ADAMTSL1: variants seen among roughly 807,000 people sequenced by gnomAD.
ADAMTSL1 encodes the protein ADAMTS like 1, also known as ADAMTS-like protein 1.
ADAMTSL1 carries 126 observed loss-of-function variants against 201.8 expected under a neutral mutation model. The observed-to-expected ratio is 0.62, with a 90% CI of 0.54 to 0.72. The LOEUF (loss-of-function observed/expected upper bound fraction) is 0.72. Among genes scored for constraint, ADAMTSL1 ranks in the 30% least tolerant of loss-of-function variants. ADAMTSL1 has a pLI of 0.00. For missense variants in ADAMTSL1, 2,679 were observed against 2,277.8 expected (o/e 1.18, Z -3.59); for synonymous variants, 1,121 against 903.4 (o/e 1.24, Z -4.32).
In ADAMTSL1 at chr9:17,935,896, C is replaced by T. The variant is rs62550002; in HGVS notation, c.87+28974C>T. On this transcript the variant is annotated intron_variant, in intron 1 of 29. Transcript: ENST00000680146. ...CTCAGGTTATGCTACTCCTGCTTAA[C>T]GCCCTCCAGTGCTTCCCATCTTCCA... Among the ~76,000 whole-genome samples, 840 of 152,292 alleles carry T rather than the reference C, an allele frequency of 5.5e-3. 3 individuals are homozygous for T. The highest frequency in any genetic ancestry group is 8.5e-3 in the Non-Finnish European group (578 of 68,012).
intron 1 of ADAMTSL1, among the ~76,000 whole-genome samples, chr9:17,989,827 G>A (rs1436137194): frequency 1.3e-5 from 2 of 149,364 alleles, no homozygotes; most frequent in African/African-American, 4.9e-5. Flanking sequence ...AATAGCATCT[G>A]ATTTTTTTTT....
At chr9:18,674,944 G>C (rs763073647) in intron 9 of ADAMTSL1, among the ~76,000 whole-genome samples, 66 of 152,170 alleles carry the variant, frequency 4.3e-4, no homozygotes, top group Middle Eastern at 6.8e-3. Context: ...CCTCTGCAGG[G>C]ACCCACCAGT....
At position 17,919,544 on chromosome 9, in the gene ADAMTSL1, G is replaced by C. The variant is rs528368434; in HGVS notation, c.87+12622G>C. 1.7e-4 allele frequency among the ~76,000 whole-genome samples: 26 copies of C among 152,092 alleles called. No homozygotes were observed. In the South Asian group the frequency reaches 3.7e-3, roughly 22 times the overall value. The stretch of plus-strand genomic sequence containing the variant: ...CTTCTTAATACATTTCCATGTTCTA[G>C]ATTTTCGTATCAATGGAATTATATA... On this transcript the variant is annotated intron_variant, in intron 1 of 29. Coordinates refer to the ADAMTSL1 transcript ENST00000680146.
chr9:18,095,238 A>C (rs141099069), intron 1 of ADAMTSL1, among the ~76,000 whole-genome samples: 1 of 152,068 alleles, frequency 6.6e-6, no homozygotes, highest in Admixed American at 6.6e-5. Context: ...AAGGGCTCAC[A>C]GCCAATAGAT....
chr9:18,735,748 C>CTTTTTTTTTTTTTTTTTT (rs71333066), intron 15 of ADAMTSL1, among the ~76,000 whole-genome samples: 1 of 106,684 alleles, frequency 9.4e-6, no homozygotes, highest in Non-Finnish European at 1.9e-5. Flanking sequence ...ATTCTTTTTT[C>CTTTTTTTTTTTTTTTTTT]TTTTTTTTTT....
chr9:18,730,689 C>A (rs1257065626), intron 15 of ADAMTSL1, among the ~76,000 whole-genome samples: 1 of 152,234 alleles, frequency 6.6e-6, no homozygotes, highest in Non-Finnish European at 1.5e-5. Flanking sequence ...ATTAACACAG[C>A]TCCCAGACCT....
intron 1 of ADAMTSL1, among the ~76,000 whole-genome samples, chr9:18,126,943 C>G (rs917663721): frequency 6.6e-6 from 1 of 152,080 alleles, no homozygotes; most frequent in Non-Finnish European, 1.5e-5. Flanking sequence ...TAAGCATCAT[C>G]GTAACCAGTA....
chr9:18,417,123 C>A (rs779356418), intron 2 of ADAMTSL1, among the ~76,000 whole-genome samples: 1 of 151,688 alleles, frequency 6.6e-6, no homozygotes, highest in Non-Finnish European at 1.5e-5. Context: ...AAGATCTCTG[C>A]AAAATTTTCA....
At chr9:18,054,510 A>T (rs1425507277) in intron 1 of ADAMTSL1, among the ~76,000 whole-genome samples, 2 of 152,154 alleles carry the variant, frequency 1.3e-5, no homozygotes, top group Non-Finnish European at 1.5e-5. Context: ...TGTGTGTTGG[A>T]GTGGTACTAA....
chr9:18,803,846 T>C (rs1202348901), intron 20 of ADAMTSL1, among the ~76,000 whole-genome samples: 1 of 152,314 alleles, frequency 6.6e-6, no homozygotes, highest in East Asian at 1.9e-4. Flanking sequence ...ACTTTCCAGA[T>C]AGAGTCAGAG....
rs112740119 is a variant in ADAMTSL1 at position 18,060,380 on chromosome 9, A to G, written c.88-103482A>G. ...CTCAGATAAGCTGTAAAACAACCCT[A>G]TGGGCTAAGGTATCTGCAATATTTT... is the stretch of plus-strand genomic sequence containing the variant. On this transcript the variant is annotated intron_variant, in intron 1 of 29. Transcript: ENST00000680146. Among the ~76,000 whole-genome samples the G allele has an allele frequency of 4.2e-3, 639 of 152,248 alleles. 3 individuals carry two copies. Among genetic ancestry groups the G allele is most frequent in the East Asian group, 0.013 (65 of 5,178 alleles).
intron 19 of ADAMTSL1, among the ~76,000 whole-genome samples, chr9:18,790,075 C>T (rs1821934497): frequency 6.6e-6 from 1 of 152,056 alleles, no homozygotes; most frequent in African/African-American, 2.4e-5. Flanking sequence ...AAGAAGGTTA[C>T]TTAGGTTATG....
At chr9:17,920,902 T>A (rs1826274234) in intron 1 of ADAMTSL1, among the ~76,000 whole-genome samples, 1 of 152,232 alleles carries the variant, frequency 6.6e-6, no homozygotes, top group Non-Finnish European at 1.5e-5. Flanking sequence ...ATTTGGCCCA[T>A]GGGCCATCGT....
rs756367659 is a variant in ADAMTSL1 at position 18,889,687 on chromosome 9, G to A, written c.4582G>A (p.Ala1528Thr). 32 of 1,595,686 alleles carry A rather than the reference G, an allele frequency of 2.0e-5. No individual in the cohort carries two copies. The highest frequency in any genetic ancestry group is 1.4e-4 in the East Asian group (6 of 43,782). Residue 1528 changes from alanine to threonine, a missense_variant, in exon 25 of 29, where the codon GCA becomes ACA. By Grantham distance (58) the Ala-to-Thr change is moderately conservative. Coordinates refer to ENST00000380548, the MANE Select transcript of ADAMTSL1 (RefSeq NM_001040272.6). ...NSTEVNPAHC[A>T]GKVRPAVQPI... ...CACGGAGGTCAACCCTGCCCACTGC[G>A]CAGGGAAGGTTCGCCCTGCGGTGCA...
chr9:18,013,949 G>T (rs1164630605), intron 1 of ADAMTSL1, among the ~76,000 whole-genome samples: 1 of 152,012 alleles, frequency 6.6e-6, no homozygotes, highest in Non-Finnish European at 1.5e-5. Flanking sequence ...TATGGTAAAA[G>T]AGAACCTGGG....
At chr9:18,121,590 A>G (rs1825499510) in intron 1 of ADAMTSL1, among the ~76,000 whole-genome samples, 4 of 152,212 alleles carry the variant, frequency 2.6e-5, no homozygotes, top group Admixed American at 1.3e-4. Flanking sequence ...TTGAAATCCC[A>G]CTGAAAAATA....
intron 4 of ADAMTSL1, among the ~76,000 whole-genome samples, chr9:18,585,949 A>T (rs1323385590): frequency 6.6e-6 from 1 of 152,208 alleles, no homozygotes; most frequent in African/African-American, 2.4e-5. Context: ...CTAAAACAAT[A>T]AGAGTCATCT....
Position 18,185,543 on chromosome 9 carries a change from G to T in ADAMTSL1, c.207+21562G>T, listed in dbSNP as rs1828694894. On this transcript the variant is annotated intron_variant, in intron 2 of 29. Coordinates refer to the ADAMTSL1 transcript ENST00000680146. ...TAAGTTTGTGGTAATTTGTTATGCA[G>T]CATGGAAAACTAACACAATTGGTTT... 1.3e-5 allele frequency among the ~76,000 whole-genome samples: 2 copies of T among 152,114 alleles called. 1 individual carries two copies. The highest frequency in any genetic ancestry group is 4.1e-4 in the South Asian group (2 of 4,830).
chr9:18,788,936 A>G (rs1480411857), intron 19 of ADAMTSL1, among the ~76,000 whole-genome samples: 2 of 152,094 alleles, frequency 1.3e-5, no homozygotes, highest in Non-Finnish European at 2.9e-5. Context: ...TATGGAAATA[A>G]CTAGTTGTCC....
Sources: gnomAD v4.1 joint callset for allele counts (sites outside exome capture counted in the v4.1 genomes callset) on GRCh38, gnomAD v4.1.1 for gene constraint, MANE v1.5 for transcripts, NCBI Gene and HGNC (gene_info 2026-07-23, HGNC 2026-07-21) for gene names.